E2F2: variants seen among roughly 807,000 people sequenced by gnomAD.
E2F2 encodes E2F transcription factor 2, also known as transcription factor E2F2.
Under a neutral mutation model 42.2 loss-of-function variants are expected in E2F2, and 22 were observed. The observed-to-expected ratio is 0.52, with a 90% confidence interval of 0.37 to 0.74. The LOEUF is 0.74. Among genes scored for constraint, E2F2 ranks in the 30% least tolerant of loss-of-function variants. The pLI, the probability that E2F2 is intolerant of heterozygous loss-of-function variation, is 0.00. For synonymous variants in E2F2, 248 were observed against 251.6 expected (o/e 0.99, Z 0.13); for missense variants, 481 against 557.8 (o/e 0.86, Z 1.39).
chr1:23,511,499 G>A (rs557410274), intron 6 of E2F2, among the ~76,000 whole-genome samples: 2 of 152,138 alleles, frequency 1.3e-5, no homozygotes, highest in East Asian at 3.9e-4. Flanking sequence ...GCCTCCCAAA[G>A]TGCTGGGATT....
At chr1:23,526,687 G>A (rs1045346692) in intron 1 of E2F2, among the ~76,000 whole-genome samples, 2 of 152,168 alleles carry the variant, frequency 1.3e-5, no homozygotes, top group South Asian at 4.1e-4. Flanking sequence ...ACATGCCCAA[G>A]GTCACACAAA....
chr1:23,525,692 C>CT (rs1390599362), intron 1 of E2F2, among the ~76,000 whole-genome samples: 1 of 152,316 alleles, frequency 6.6e-6, no homozygotes, highest in East Asian at 1.9e-4. Context: ...GCTCCTGCTC[C>CT]TTTAACTTCT....
At chr1:23,512,527 G>C (rs1040438302) in intron 6 of E2F2, among the ~76,000 whole-genome samples, 2 of 152,214 alleles carry the variant, frequency 1.3e-5, no homozygotes, top group East Asian at 3.8e-4. Flanking sequence ...TGGGAGCGGG[G>C]AGCATGTGGG....
intron 1 of E2F2, among the ~76,000 whole-genome samples, chr1:23,529,769 C>A (rs769723685): frequency 6.6e-6 from 1 of 152,182 alleles, no homozygotes; most frequent in Admixed American, 6.5e-5. Flanking sequence ...TCCACTCCCC[C>A]AGGCTTTTCC....
intron 2 of E2F2, among the ~76,000 whole-genome samples, chr1:23,523,839 C>T (rs756686050): frequency 3.9e-5 from 6 of 151,966 alleles, no homozygotes; most frequent in Non-Finnish European, 7.4e-5. Context: ...TTTGGGAGGC[C>T]GAGGCGGGTG....
intron 4 of E2F2, 106 bp from the exon 5 acceptor site, chr1:23,519,236 TCTCA>T (rs1278166930): frequency 1.4e-5 from 9 of 662,080 alleles, no homozygotes; most frequent in Non-Finnish European, 2.4e-5. Flanking sequence ...AACATTACTT[TCTCA>T]CTCCTTGTAC....
At chr1:23,520,763 T>C in intron 4 of E2F2, 150 bp downstream of exon 4, 1 of 682,680 alleles carries the variant, frequency 1.5e-6, no homozygotes, top group African/African-American at 1.9e-5. Flanking sequence ...AAATAAATAA[T>C]TTTAAAAATA....
Position 23,520,778 on chromosome 1 carries a change from TGAGAA to T in E2F2, c.737+130_737+134del, listed in dbSNP as rs1277706696. ...AAATAAATAATTTTAAAAATAGACT[TGAGAA>T]GAAAAGCCACCCAGGAAGGAAGAAA... On this transcript the variant is annotated intron_variant, in intron 4 of 6. Coordinates refer to ENST00000361729, the MANE Select transcript of E2F2 (RefSeq NM_004091.4). 94 of 855,244 alleles carry T rather than the reference TGAGAA, an allele frequency of 1.1e-4. 1 individual carries two copies. The highest frequency in any genetic ancestry group is 1.6e-5 in the Non-Finnish European group (10 of 616,938). The allele number at this position is 855,244 out of a possible 1,614,324, so 53.0% of individuals were successfully genotyped here.
Position 23,519,136 on chromosome 1 carries a change from GC to G in E2F2, c.738-7del. 2 of 1,609,234 alleles carry G rather than the reference GC, an allele frequency of 1.2e-6. No individual in the cohort carries two copies. Among genetic ancestry groups the G allele is most frequent in the Non-Finnish European group, 1.7e-6 (2 of 1,176,522 alleles). On this transcript the variant is annotated splice_polypyrimidine_tract_variant and splice_region_variant and intron_variant, in intron 4 of 6. Transcript: ENST00000361729. ...GGTAAGTCACATAGGCCAGCGTAGG[GC>G]AGGAGAGTCAAGAAAAGTGACTGTC...
intron 4 of E2F2, among the ~76,000 whole-genome samples, chr1:23,520,243 CAAAAAAAAAAAAAA>C (rs66460864): frequency 5.1e-5 from 4 of 78,892 alleles, no homozygotes; most frequent in African/African-American, 8.2e-5. Flanking sequence ...GACTCTGTCT[CAAAAAAAAAAAAAA>C]AAAAAAAAAA....
chr1:23,518,015 C>CA (rs747828799), intron 5 of E2F2, among the ~76,000 whole-genome samples: 5 of 150,910 alleles, frequency 3.3e-5, no homozygotes, highest in Non-Finnish European at 7.4e-5. Flanking sequence ...ACAAAAAAAA[C>CA]AAAAAATGTG....
chr1:23,530,927 G>T lies in E2F2; in HGVS notation c.-134C>A. Reference sequence around the variant, plus strand: ...GGAAGCCGCCAATGGACGCCTGCGGGGCAAGGCCGGACCCTCCCCTCCTGG... The same window carrying T: ...GGAAGCCGCCAATGGACGCCTGCGGTGCAAGGCCGGACCCTCCCCTCCTGG... On this transcript the variant is annotated 5_prime_UTR_variant, in exon 1 of 7. Coordinates refer to ENST00000361729, the MANE Select transcript of E2F2 (RefSeq NM_004091.4). This position sits in a 1 kb window ranked among gnomAD's most constrained non-coding sequence, Gnocchi z 4.4. The T allele has an allele frequency of 8.4e-7, 1 of 1,191,172 alleles. No individual in the cohort carries two copies. Among genetic ancestry groups the T allele is most frequent in the Non-Finnish European group, 1.1e-6 (1 of 893,422 alleles). 73.8% of individuals were successfully genotyped at this position (1,191,172 alleles called of 1,614,324 possible). A position where few individuals can be genotyped will look rare whatever the true frequency, so the allele number is the denominator to read the frequency against.
At position 23,508,651 on chromosome 1, in the gene E2F2, CCT is replaced by C. The variant is rs1642847668; in HGVS notation, c.*1227_*1228del. On this transcript the variant is annotated 3_prime_UTR_variant, in exon 7 of 7. Coordinates refer to ENST00000361729, the MANE Select transcript of E2F2 (RefSeq NM_004091.4). ...GTGAAGGCCTGGTCTGCCATGAAGA[CCT>C]CTCTCTGTCACCCCTTCAGTATACC... 6.6e-6 allele frequency: 1 copy of C among 152,270 alleles called. No homozygotes were observed. Among genetic ancestry groups the C allele is most frequent in the Non-Finnish European group, 1.5e-5 (1 of 68,094 alleles). The allele number at this position is 152,270 out of a possible 1,614,324, so 9.4% of individuals were successfully genotyped here. A position where few individuals can be genotyped will look rare whatever the true frequency, so the allele number is the denominator to read the frequency against.
intron 5 of E2F2, among the ~76,000 whole-genome samples, chr1:23,518,689 G>T (rs1389204500): frequency 6.6e-6 from 1 of 152,034 alleles, no homozygotes; most frequent in Non-Finnish European, 1.5e-5. Context: ...ACCTGGGAAA[G>T]CACGGTCAGC....
intron 6 of E2F2, among the ~76,000 whole-genome samples, chr1:23,513,562 ATGTGTGTGTGTGTGTG>A (rs71023281): frequency 0.015 from 2,003 of 135,284 alleles, 45 homozygotes; most frequent in African/African-American, 0.05. Context: ...AGCACGGAAC[ATGTGTGTGTGTGTGTG>A]TGTGTGTGTG....
intron 5 of E2F2, among the ~76,000 whole-genome samples, chr1:23,517,911 T>C (rs1183628512): frequency 6.6e-6 from 1 of 152,170 alleles, no homozygotes; most frequent in Non-Finnish European, 1.5e-5. Flanking sequence ...GGTTCACGCC[T>C]ATAATCCCAG....
chr1:23,506,889 G>C lies in E2F2; in HGVS notation c.*2991C>G, dbSNP rs1270727094. ...AGAACAAAGTCAGAACCATCCTAAA[G>C]CCAGTTTTTCAAGCTTGACCACCTC... is the stretch of plus-strand genomic sequence containing the variant. On this transcript the variant is annotated 3_prime_UTR_variant, in exon 7 of 7. Transcript: ENST00000361729. The C allele has an allele frequency of 1.7e-4, 26 of 152,444 alleles. No individual in the cohort carries two copies. The highest frequency in any genetic ancestry group is 2.9e-5 in the Non-Finnish European group (2 of 68,242). 9.4% of individuals were successfully genotyped at this position (152,444 alleles called of 1,614,324 possible). A position where few individuals can be genotyped will look rare whatever the true frequency, so the allele number is the denominator to read the frequency against.
Position 23,527,588 on chromosome 1 carries a change from G to T in E2F2, c.252+2954C>A, listed in dbSNP as rs1400232914. 2.0e-5 allele frequency among the ~76,000 whole-genome samples: 3 copies of T among 152,338 alleles called. No individual in the cohort carries two copies. The East Asian group carries it at 5.8e-4, about 29-fold the overall frequency. Reference sequence around the variant, plus strand: ...AACTGGGACTTGGGGAAGAGGAATTGACTTGCCCAAGGTCACGCAGAGTGG... The same window carrying T: ...AACTGGGACTTGGGGAAGAGGAATTTACTTGCCCAAGGTCACGCAGAGTGG... On this transcript the variant is annotated intron_variant, in intron 1 of 6. Transcript: ENST00000361729.
chr1:23,527,228 G>A (rs1031891225), intron 1 of E2F2, among the ~76,000 whole-genome samples: 31 of 152,354 alleles, frequency 2.0e-4, no homozygotes, highest in South Asian at 8.3e-4. Flanking sequence ...GCAGCAAAGC[G>A]CTTTGCCCAT....
Sources: allele counts gnomAD v4.1 joint callset (sites outside exome capture counted in the v4.1 genomes callset), GRCh38; gene constraint gnomAD v4.1.1; non-coding constraint Gnocchi (gnomAD v3.1); transcripts MANE v1.5; gene names NCBI Gene and HGNC (gene_info 2026-07-23, HGNC 2026-07-21).